Variants in USH2A observed in about 807,000 individuals in gnomAD.
The protein encoded by USH2A is usherin, also known as Usher syndrome 2A (autosomal recessive, mild).
USH2A carries 443 observed loss-of-function variants against 538.9 expected under a neutral mutation model. The ratio of observed to expected loss-of-function variants is 0.82; its 90% CI spans 0.76 to 0.89. The LOEUF (loss-of-function observed/expected upper bound fraction) is 0.89, where lower values mean the gene tolerates loss of function less well. Among genes scored for constraint, USH2A ranks in the 40% least tolerant of loss-of-function variants. The pLI, the probability that USH2A is intolerant of heterozygous loss-of-function variation, is 0.00. For synonymous variants in USH2A, 2,413 were observed against 2,273.5 expected, an observed-to-expected ratio of 1.06 and a Z score of -1.75; for missense variants, 6,633 against 6,324.8, an observed-to-expected ratio of 1.05 and a Z score of -1.65.
chr1:215,743,386 A>ATATATATATATATATATATATATG (rs878870284), intron 58 of USH2A, 51 bp from the exon 59 acceptor site: 1 of 310,002 alleles, frequency 3.2e-6, no homozygotes, highest in African/African-American at 3.3e-5. Context: ...ATATATATAT[A>ATATATATATATATATATATATATG]TGTGTGTGTG....
intron 38 of USH2A, among the ~76,000 whole-genome samples, chr1:215,909,948 T>G (rs1244482556): frequency 6.6e-6 from 1 of 152,000 alleles, no homozygotes; most frequent in Non-Finnish European, 1.5e-5. Context: ...TGGTTCTGGA[T>G]TGCCTAAGAT....
In USH2A at chr1:215,775,783, C is replaced by T. The variant is rs565344736; in HGVS notation, c.10939+4060G>A. Among the ~76,000 whole-genome samples the T allele has an allele frequency of 5.3e-5, 8 of 152,300 alleles. No individual in the cohort carries two copies. The South Asian group carries it at 6.2e-4, about 12-fold the overall frequency. ...ATTAGTATTACATTTTCTGCTACAACCAGCATTGTTAGGGTTTGTTCTATT... is the reference window on the plus strand; with the variant it reads ...ATTAGTATTACATTTTCTGCTACAATCAGCATTGTTAGGGTTTGTTCTATT... On this transcript the variant is annotated intron_variant, in intron 55 of 71. Transcript: ENST00000307340.
intron 65 of USH2A, among the ~76,000 whole-genome samples, chr1:215,649,473 C>A (rs918423146): frequency 6.6e-6 from 1 of 152,156 alleles, no homozygotes; most frequent in Non-Finnish European, 1.5e-5. Context: ...TTAAGAAGAG[C>A]TGTTAAAAAA....
At chr1:215,980,728 T>G (rs646378) in intron 35 of USH2A, among the ~76,000 whole-genome samples, 122,082 of 152,036 alleles carry the variant, frequency 0.8, 49,404 homozygotes, top group East Asian at 0.94. Flanking sequence ...TATAATTTTT[T>G]CATCTTGCTT....
At chr1:216,027,424 C>T (rs1668996326) in intron 32 of USH2A, among the ~76,000 whole-genome samples, 1 of 152,142 alleles carries the variant, frequency 6.6e-6, no homozygotes, top group South Asian at 2.1e-4. Context: ...TTGTTTAAGC[C>T]ACTCAGCCTG....
intron 4 of USH2A, among the ~76,000 whole-genome samples, chr1:216,340,783 T>C (rs1212547231): frequency 1.3e-5 from 2 of 151,922 alleles, no homozygotes; most frequent in Non-Finnish European, 1.5e-5. Context: ...AGGGCTTCAA[T>C]AAAATTCAAC....
At chr1:216,378,764 T>C (rs1185491997) in intron 3 of USH2A, among the ~76,000 whole-genome samples, 1 of 152,120 alleles carries the variant, frequency 6.6e-6, no homozygotes, top group Non-Finnish European at 1.5e-5. Context: ...ATCAATTCAC[T>C]GCATTCGTCT....
chr1:215,715,831 A>C (rs1659465980), intron 61 of USH2A, among the ~76,000 whole-genome samples: 1 of 152,206 alleles, frequency 6.6e-6, no homozygotes, highest in Non-Finnish European at 1.5e-5. Flanking sequence ...GCCATGGTTA[A>C]ACTGTAATTT....
intron 30 of USH2A, among the ~76,000 whole-genome samples, chr1:216,056,805 A>T (rs74143922): frequency 6.0e-4 from 83 of 139,024 alleles, no homozygotes; most frequent in African/African-American, 1.6e-3. Context: ...TGTGTGTGTG[A>T]GAGAGAGAGA....
chr1:215,865,592 C>G (rs1157678060), intron 44 of USH2A, among the ~76,000 whole-genome samples: 1 of 152,098 alleles, frequency 6.6e-6, no homozygotes, highest in Non-Finnish European at 1.5e-5. Flanking sequence ...GGAAATATGC[C>G]TTAAAACACA....
chr1:216,102,010 C>A (rs1260747895), intron 21 of USH2A, among the ~76,000 whole-genome samples: 3 of 152,018 alleles, frequency 2.0e-5, no homozygotes, highest in South Asian at 2.1e-4. Flanking sequence ...GCAAAGAATT[C>A]TTAAACGATA....
chr1:216,333,907 G>A (rs1450440246), intron 4 of USH2A, among the ~76,000 whole-genome samples: 13 of 152,014 alleles, frequency 8.6e-5, no homozygotes, highest in Admixed American at 7.9e-4. Context: ...TCCAGATAAA[G>A]AAATATTGAG....
intron 21 of USH2A, among the ~76,000 whole-genome samples, chr1:216,148,732 A>C (rs1066175): frequency 0.6 from 86,310 of 143,658 alleles, 25,229 homozygotes; most frequent in East Asian, 0.75. Context: ...CTGTGGTGCC[A>C]AACCCATATA....
chr1:216,072,681 CA>C, intron 29 of USH2A: 1 of 606,550 alleles, frequency 1.6e-6, no homozygotes, highest in Non-Finnish European at 3.0e-6. Flanking sequence ...CAAGTCTGAG[CA>C]AGTATTTAGT....
At chr1:215,641,812 C>T (rs1169739861) in intron 67 of USH2A, among the ~76,000 whole-genome samples, 2 of 152,134 alleles carry the variant, frequency 1.3e-5, no homozygotes, top group African/African-American at 4.8e-5. Context: ...TAATATTCAA[C>T]CGTAAAGACA....
intron 21 of USH2A, among the ~76,000 whole-genome samples, chr1:216,123,452 G>T (rs1200739882): frequency 1.3e-5 from 2 of 152,148 alleles, no homozygotes; most frequent in African/African-American, 4.8e-5. Flanking sequence ...AGTTTCCTAA[G>T]CATTTCCAAG....
chr1:215,647,267 G>A (rs553995509), intron 67 of USH2A, among the ~76,000 whole-genome samples: 3 of 152,146 alleles, frequency 2.0e-5, no homozygotes, highest in East Asian at 1.9e-4. Flanking sequence ...CCCATTGATC[G>A]TTTAACTTCC....
At chr1:215,874,249 AC>A (rs1168833880) in intron 43 of USH2A, among the ~76,000 whole-genome samples, 8 of 152,162 alleles carry the variant, frequency 5.3e-5, no homozygotes, top group African/African-American at 1.9e-4. Context: ...TAACTTGCTC[AC>A]TTTGCAAGGA....
At chr1:215,939,010 G>A (rs1328359346) in intron 37 of USH2A, among the ~76,000 whole-genome samples, 1 of 152,122 alleles carries the variant, frequency 6.6e-6, no homozygotes, top group Non-Finnish European at 1.5e-5. Flanking sequence ...TAAGTGTAAA[G>A]CTAAGGTTTA....
Sources: allele counts gnomAD v4.1 joint callset (sites outside exome capture counted in the v4.1 genomes callset), GRCh38; gene constraint gnomAD v4.1.1; transcripts MANE v1.5; gene names NCBI Gene and HGNC (gene_info 2026-07-23, HGNC 2026-07-21).